The following ZFPM2 variants were observed in gnomAD, a reference collection of about 807,000 sequenced individuals.
ZFPM2 encodes the protein zinc finger protein ZFPM2.
Under a neutral mutation model 98.6 loss-of-function variants are expected in ZFPM2, and 20 were observed. That is an observed-to-expected ratio of 0.20 (90% CI 0.14 to 0.29). ZFPM2 has a LOEUF of 0.29. ZFPM2 is among the 10% of genes least tolerant of loss of function. ZFPM2 has a pLI of 1.00. For synonymous variants in ZFPM2, 518 were observed against 502.7 expected (o/e 1.03, Z -0.41); for missense variants, 1,310 against 1,388.6 (o/e 0.94, Z 0.90).
intron 3 of ZFPM2, among the ~76,000 whole-genome samples, chr8:105,534,823 G>A (rs1380798642): frequency 6.6e-6 from 1 of 152,162 alleles, no homozygotes; most frequent in Non-Finnish European, 1.5e-5. Context: ...AGTACTGGAG[G>A]AGATGATGAT....
chr8:105,574,030 T>G (rs1438470140), intron 4 of ZFPM2, among the ~76,000 whole-genome samples: 1 of 152,244 alleles, frequency 6.6e-6, no homozygotes, highest in African/African-American at 2.4e-5. Flanking sequence ...CAAACCTGGA[T>G]TCCTTTTATT....
intron 1 of ZFPM2, among the ~76,000 whole-genome samples, chr8:105,355,788 A>C (rs917328158): frequency 1.3e-5 from 2 of 152,216 alleles, no homozygotes; most frequent in Non-Finnish European, 2.9e-5. Context: ...AATAAAAAAA[A>C]CTACAGTGTG....
intron 3 of ZFPM2, among the ~76,000 whole-genome samples, chr8:105,532,772 G>T (rs1002365812): frequency 7.2e-5 from 11 of 152,114 alleles, no homozygotes; most frequent in Admixed American, 6.6e-4. Flanking sequence ...CAAGGTACCT[G>T]CTCTGCTGGG....
At chr8:105,455,012 A>T (rs569593227) in intron 3 of ZFPM2, among the ~76,000 whole-genome samples, 31 of 152,252 alleles carry the variant, frequency 2.0e-4, no homozygotes, top group African/African-American at 7.0e-4. Context: ...TATTCCTGGG[A>T]TTTGGTACAA....
At chr8:105,477,057 T>C (rs1344709141) in intron 3 of ZFPM2, among the ~76,000 whole-genome samples, 1 of 152,126 alleles carries the variant, frequency 6.6e-6, no homozygotes, top group Non-Finnish European at 1.5e-5. Context: ...AGGAAATGTT[T>C]ATAGTAATAA....
At chr8:105,673,261 C>T (rs867119231) in intron 5 of ZFPM2, among the ~76,000 whole-genome samples, 123 of 119,264 alleles carry the variant, frequency 1.0e-3, no homozygotes, top group African/African-American at 3.6e-3. Flanking sequence ...AATCAAGTCT[C>T]ATTTTTTTTT....
chr8:105,508,322 G>A lies in ZFPM2; in HGVS notation c.302-53041G>A, dbSNP rs1216314123. Among the ~76,000 whole-genome samples the A allele has an allele frequency of 3.3e-5, 5 of 152,106 alleles. No individual in the cohort carries two copies. The South Asian group carries it at 8.3e-4, about 25-fold the overall frequency. Reference sequence around the variant, plus strand: ...CTTCTGTCTCTAGCAGAAGAGTCCCGCCTGATTAAGAGAAGAGGCTCATCT... The same window carrying A: ...CTTCTGTCTCTAGCAGAAGAGTCCCACCTGATTAAGAGAAGAGGCTCATCT... On this transcript the variant is annotated intron_variant, in intron 3 of 7. Coordinates refer to ENST00000407775, the MANE Select transcript of ZFPM2 (RefSeq NM_012082.4).
intron 1 of ZFPM2, among the ~76,000 whole-genome samples, chr8:105,385,821 C>T (rs976534075): frequency 1.3e-5 from 2 of 152,160 alleles, no homozygotes; most frequent in African/African-American, 4.8e-5. Context: ...ATTCCCTCCT[C>T]TCTATTCTTG....
intron 5 of ZFPM2, among the ~76,000 whole-genome samples, chr8:105,648,766 T>C (rs1462984605): frequency 6.6e-6 from 1 of 152,216 alleles, no homozygotes; most frequent in Non-Finnish European, 1.5e-5. Flanking sequence ...TACCATGCTG[T>C]TTTGGTTTCT....
At chr8:105,580,463 C>A (rs181761951) in intron 4 of ZFPM2, among the ~76,000 whole-genome samples, 1 of 152,074 alleles carries the variant, frequency 6.6e-6, no homozygotes, top group Non-Finnish European at 1.5e-5. Context: ...ATGGTAGGCT[C>A]ATGTCCATGT....
chr8:105,392,402 G>T (rs2129938336), intron 1 of ZFPM2, among the ~76,000 whole-genome samples: 1 of 152,210 alleles, frequency 6.6e-6, no homozygotes, highest in Middle Eastern at 3.4e-3. Flanking sequence ...TTTTCAAATG[G>T]CTGAATGGGA....
rs1025158725 is a variant in ZFPM2 at position 105,803,641 on chromosome 8, A to T, written c.*103A>T. 1.7e-6 allele frequency: 2 copies of T among 1,167,002 alleles called. No individual in the cohort carries two copies. The highest frequency in any genetic ancestry group is 2.4e-6 in the Non-Finnish European group (2 of 816,388). 72.3% of individuals were successfully genotyped at this position (1,167,002 alleles called of 1,614,324 possible). A position where few individuals can be genotyped will look rare whatever the true frequency, so the allele number is the denominator to read the frequency against. ...TTTGAATTACATCTGGGCAATCAGG[A>T]GATAATTCATTATGGCTGAGTTGAA... On this transcript the variant is annotated 3_prime_UTR_variant, in exon 8 of 8. Coordinates refer to ENST00000407775, the MANE Select transcript of ZFPM2 (RefSeq NM_012082.4).
chr8:105,587,145 C>T (rs1169861720), intron 4 of ZFPM2, among the ~76,000 whole-genome samples: 7 of 151,366 alleles, frequency 4.6e-5, no homozygotes, highest in Non-Finnish European at 7.4e-5. Flanking sequence ...GGCGTGGTGG[C>T]GGGCACCTGT....
At chr8:105,586,697 A>G (rs1358521290) in intron 4 of ZFPM2, among the ~76,000 whole-genome samples, 1 of 151,982 alleles carries the variant, frequency 6.6e-6, no homozygotes, top group Non-Finnish European at 1.5e-5. Context: ...CTGGGATTAC[A>G]GGCGTGAGCC....
intron 1 of ZFPM2, among the ~76,000 whole-genome samples, chr8:105,373,734 A>G (rs1810668265): frequency 6.6e-6 from 1 of 152,222 alleles, no homozygotes; most frequent in Non-Finnish European, 1.5e-5. Flanking sequence ...TAAAAACAAT[A>G]AAGAAAAATG....
chr8:105,650,824 G>A (rs866609760), intron 5 of ZFPM2, among the ~76,000 whole-genome samples: 3 of 152,276 alleles, frequency 2.0e-5, no homozygotes, highest in East Asian at 1.9e-4. Context: ...GAATAAGTGC[G>A]ATGTGGTGCT....
chr8:105,610,076 A>T (rs1224089364), intron 4 of ZFPM2, among the ~76,000 whole-genome samples: 1 of 152,106 alleles, frequency 6.6e-6, no homozygotes, highest in African/African-American at 2.4e-5. Flanking sequence ...TTGAGGGGGA[A>T]AAAGGAGAGA....
chr8:105,617,085 A>AATG lies in ZFPM2; in HGVS notation c.421-17160_421-17158dup, dbSNP rs201430397. ...AGATCCACACCATAAATGGGTAGCA[A>AATG]ATGTTGGATTTAAACTCAAGCAATG... On this transcript the variant is annotated intron_variant, in intron 4 of 7. Coordinates refer to ENST00000407775, the MANE Select transcript of ZFPM2 (RefSeq NM_012082.4). Among the ~76,000 whole-genome samples, 240 of 144,008 alleles carry AATG rather than the reference A, an allele frequency of 1.7e-3. 3 individuals are homozygous for AATG. In the East Asian group the frequency reaches 0.043, roughly 26 times the overall value. The allele number at this position is 144,008 out of a possible 152,430, so 94.5% of individuals were successfully genotyped here. A position where few individuals can be genotyped will look rare whatever the true frequency, so the allele number is the denominator to read the frequency against.
At chr8:105,577,415 G>C (rs1298968541) in intron 4 of ZFPM2, among the ~76,000 whole-genome samples, 2 of 151,836 alleles carry the variant, frequency 1.3e-5, no homozygotes, top group Non-Finnish European at 2.9e-5. Flanking sequence ...ACATTTGTAT[G>C]TTTTTCCTAT....
Sources: gnomAD v4.1 joint callset for allele counts (sites outside exome capture counted in the v4.1 genomes callset) on GRCh38, gnomAD v4.1.1 for gene constraint, MANE v1.5 for transcripts, NCBI Gene and HGNC (gene_info 2026-07-23, HGNC 2026-07-21) for gene names.